The following EBF1 variants were observed in gnomAD, a reference collection of about 807,000 sequenced individuals.
EBF1 encodes EBF transcription factor 1.
EBF1 carries 10 observed loss-of-function variants against 68.4 expected under a neutral mutation model. That is an observed-to-expected ratio of 0.15 (90% CI 0.09 to 0.25). The LOEUF (loss-of-function observed/expected upper bound fraction) is 0.25, where lower values mean the gene tolerates loss of function less well. Among genes scored for constraint, EBF1 ranks in the 10% least tolerant of loss-of-function variants. The pLI is 1.00. For synonymous variants in EBF1, 298 were observed against 299.8 expected (o/e 0.99, Z 0.06); for missense variants, 509 against 794.4 (o/e 0.64, Z 4.32).
intron 6 of EBF1, among the ~76,000 whole-genome samples, chr5:158,936,868 G>C (rs1464251140): frequency 6.6e-6 from 1 of 152,116 alleles, no homozygotes; most frequent in Non-Finnish European, 1.5e-5. Flanking sequence ...ATGGAGAATA[G>C]GAAGTACCAC....
intron 10 of EBF1, among the ~76,000 whole-genome samples, chr5:158,749,454 CAGAA>C (rs948442462): frequency 1.3e-5 from 2 of 152,122 alleles, no homozygotes; most frequent in African/African-American, 4.8e-5. Flanking sequence ...CCTGTAAACA[CAGAA>C]AGAGATTCCT....
chr5:158,742,574 C>T (rs865789138), intron 10 of EBF1, among the ~76,000 whole-genome samples: 9 of 152,210 alleles, frequency 5.9e-5, no homozygotes, highest in Admixed American at 2.6e-4. Context: ...ATTCCCCACT[C>T]TCAAGGAACT....
At chr5:158,713,865 G>C (rs566490397) in intron 12 of EBF1, among the ~76,000 whole-genome samples, 13 of 152,198 alleles carry the variant, frequency 8.5e-5, no homozygotes, top group South Asian at 2.1e-4. Flanking sequence ...CAATTAGGAA[G>C]TATGTTCCCA....
intron 5 of EBF1, among the ~76,000 whole-genome samples, chr5:159,084,402 C>T (rs1584502775): frequency 1.3e-5 from 2 of 152,144 alleles, no homozygotes; most frequent in African/African-American, 4.8e-5. Flanking sequence ...TAGGGGAAGG[C>T]AGTGCTTTGT....
At position 159,097,233 on chromosome 5, in the gene EBF1, C is replaced by T. The variant is rs1782801778; in HGVS notation, c.135-103G>A. The T allele has an allele frequency of 9.7e-6, 13 of 1,336,422 alleles. 1 individual carries two copies. Among genetic ancestry groups the T allele is most frequent in the Non-Finnish European group, 1.3e-5 (13 of 995,472 alleles). 82.8% of individuals were successfully genotyped at this position (1,336,422 alleles called of 1,614,324 possible). A position where few individuals can be genotyped will look rare whatever the true frequency, so the allele number is the denominator to read the frequency against. ...AACCCTCAAACACCCACCTCCTCTT[C>T]CCCCAAAACATCCAGTGGGCGCTCT... On this transcript the variant is annotated intron_variant, in intron 1 of 15. Transcript: ENST00000313708.
At chr5:158,900,024 C>A (rs973148763) in intron 6 of EBF1, among the ~76,000 whole-genome samples, 1 of 152,138 alleles carries the variant, frequency 6.6e-6, no homozygotes, top group African/African-American at 2.4e-5. Flanking sequence ...CAGCATCTGG[C>A]CCTCTGGCAG....
chr5:158,766,491 T>C (rs948987207), intron 10 of EBF1, among the ~76,000 whole-genome samples: 1 of 152,186 alleles, frequency 6.6e-6, no homozygotes, highest in African/African-American at 2.4e-5. Context: ...AAAATTTATA[T>C]GTGAAATATT....
chr5:159,096,777 C>T (rs932763590), intron 2 of EBF1, among the ~76,000 whole-genome samples, 197 bp downstream of exon 2: 3 of 152,184 alleles, frequency 2.0e-5, no homozygotes, highest in African/African-American at 7.2e-5. Context: ...CTGGGGGCTC[C>T]GTGCGAACTT....
intron 6 of EBF1, among the ~76,000 whole-genome samples, chr5:158,902,419 CTTT>C (rs11366010): frequency 2.1e-5 from 3 of 142,824 alleles, no homozygotes; most frequent in Non-Finnish European, 4.6e-5. Context: ...GCTTCTTTTT[CTTT>C]TTTTTTTTTT....
intron 8 of EBF1, among the ~76,000 whole-genome samples, chr5:158,798,916 A>G (rs1046399931): frequency 6.6e-5 from 10 of 152,150 alleles, no homozygotes; most frequent in African/African-American, 2.4e-4. Flanking sequence ...CCCTGCTTCG[A>G]GACTATATGC....
At chr5:158,737,967 TTTTTCAAAATGAAATCACCTTACTG>T (rs1413934174) in intron 10 of EBF1, among the ~76,000 whole-genome samples, 1 of 152,154 alleles carries the variant, frequency 6.6e-6, no homozygotes. Context: ...CTTGCTTTTG[TTTTTCAAAATGAAATCACCTTACTG>T]TTTTTCTAAA....
At chr5:158,800,506 A>T (rs563762883) in intron 8 of EBF1, among the ~76,000 whole-genome samples, 1 of 152,224 alleles carries the variant, frequency 6.6e-6, no homozygotes, top group South Asian at 2.1e-4. Context: ...ATAATAATTT[A>T]AAAAATTAAG....
At chr5:158,717,393 T>C (rs1399237880) in intron 11 of EBF1, among the ~76,000 whole-genome samples, 1 of 152,212 alleles carries the variant, frequency 6.6e-6, no homozygotes, top group African/African-American at 2.4e-5. Flanking sequence ...TCTTAAATTC[T>C]TATTTTTTGT....
At position 159,073,059 on chromosome 5, in the gene EBF1, C is replaced by T. The variant is rs377765784; in HGVS notation, c.554+337G>A. ...AATAAAAGTTAAATATTTATAAGCA[C>T]CCAACCACATTTCATAAATCACAAA... is the stretch of plus-strand genomic sequence containing the variant. On this transcript the variant is annotated intron_variant, in intron 6 of 15. Transcript: ENST00000313708. Among the ~76,000 whole-genome samples the T allele has an allele frequency of 2.6e-5, 4 of 152,290 alleles. No individual in the cohort carries two copies. In the East Asian group the frequency reaches 7.7e-4, roughly 29 times the overall value.
intron 5 of EBF1, chr5:159,073,882 T>C (rs1318494984): frequency 6.4e-6 from 1 of 156,658 alleles, no homozygotes; most frequent in Admixed American, 6.5e-5. Flanking sequence ...GAGGTATGAG[T>C]GATTTCTCCC....
At chr5:158,961,328 G>GAAAA (rs58123979) in intron 6 of EBF1, among the ~76,000 whole-genome samples, 1 of 151,472 alleles carries the variant, frequency 6.6e-6, no homozygotes. Context: ...AAGCTTAAAG[G>GAAAA]AAAAAAAAAT....
At chr5:158,773,942 AG>A (rs1270830689) in intron 10 of EBF1, among the ~76,000 whole-genome samples, 1 of 152,176 alleles carries the variant, frequency 6.6e-6, no homozygotes, top group Non-Finnish European at 1.5e-5. Flanking sequence ...AAACGATAAT[AG>A]GGCTTTGAAA....
intron 6 of EBF1, among the ~76,000 whole-genome samples, chr5:158,857,459 G>A (rs934118239): frequency 6.6e-6 from 1 of 152,056 alleles, no homozygotes; most frequent in Non-Finnish European, 1.5e-5. Context: ...TTGTAAGATT[G>A]AAGTCCCGAA....
At chr5:159,009,764 C>T (rs148644252) in intron 6 of EBF1, among the ~76,000 whole-genome samples, 23 of 126,958 alleles carry the variant, frequency 1.8e-4, no homozygotes, top group Non-Finnish European at 3.5e-4. Flanking sequence ...AGAGCAAGAC[C>T]CCATCTCAAA....
Sources: gnomAD v4.1 joint callset for allele counts (sites outside exome capture counted in the v4.1 genomes callset) on GRCh38, gnomAD v4.1.1 for gene constraint, MANE v1.5 for transcripts, NCBI Gene and HGNC (gene_info 2026-07-23, HGNC 2026-07-21) for gene names.